Variants in GEMIN5 observed in about 807,000 individuals in gnomAD.
GEMIN5 encodes gem-associated protein 5.
Under a neutral mutation model 176.9 loss-of-function variants are expected in GEMIN5, and 124 were observed. That is an observed-to-expected ratio of 0.70 (90% CI 0.61 to 0.81). GEMIN5 has a LOEUF of 0.81. Ranked by LOEUF, GEMIN5 falls within the 40% of genes least tolerant of loss-of-function variation. The pLI is 0.00. For missense variants in GEMIN5, 1,843 were observed against 1,814.6 expected (o/e 1.02, Z -0.28); for synonymous variants, 673 against 665.2 (o/e 1.01, Z -0.18).
intron 9 of GEMIN5, 43 bp downstream of exon 9, chr5:154,924,426 G>T: frequency 1.6e-6 from 2 of 1,282,192 alleles, no homozygotes; most frequent in Non-Finnish European, 2.3e-6. Context: ...CCAACCTTTT[G>T]GCTCCCCGGG....
intron 3 of GEMIN5, 116 bp from the exon 4 acceptor site, chr5:154,932,366 G>T: frequency 1.4e-6 from 1 of 714,366 alleles, no homozygotes; most frequent in Non-Finnish European, 2.4e-6. Context: ...GTGCATTTGG[G>T]GTGGCGGAGG....
Position 154,891,619 on chromosome 5 carries a change from G to C in GEMIN5, c.3884C>G (p.Pro1295Arg). The C allele has an allele frequency of 1.2e-6, 2 of 1,614,128 alleles. No individual in the cohort carries two copies. The highest frequency in any genetic ancestry group is 8.5e-7 in the Non-Finnish European group (1 of 1,180,026). Reference sequence around the variant, plus strand: ...TACCCAGACACTGGAATTTGGGCAAGGTCTGGAGAGAGACCACCAGAATTC... The same window carrying C: ...TACCCAGACACTGGAATTTGGGCAACGTCTGGAGAGAGACCACCAGAATTC... ...LYEFWWSLSR[P>R]CPNSSVWVRA... The change falls in exon 26 of 28, where the codon CCT becomes CGT. Residue 1295 changes from proline to arginine, a missense_variant. By Grantham distance (103) the Pro-to-Arg change is moderately radical. Transcript: ENST00000285873.
intron 12 of GEMIN5, 70 bp downstream of exon 12, chr5:154,917,861 G>A (rs1763843816): frequency 3.1e-6 from 3 of 966,512 alleles, no homozygotes; most frequent in East Asian, 4.8e-5. Flanking sequence ...ATTACAGATG[G>A]CATTAGTCAG....
At chr5:154,927,572 A>T in intron 6 of GEMIN5, 22 bp from the exon 7 acceptor site, 1 of 1,551,654 alleles carries the variant, frequency 6.4e-7, no homozygotes, top group Non-Finnish European at 8.8e-7. Flanking sequence ...AAACATAAGC[A>T]TTAGTTCTTT....
At chr5:154,926,547 C>G (rs1764041196) in intron 7 of GEMIN5, among the ~76,000 whole-genome samples, 1 of 152,184 alleles carries the variant, frequency 6.6e-6, no homozygotes, top group Non-Finnish European at 1.5e-5. Flanking sequence ...AAAATGAAGT[C>G]TACCAAATAA....
chr5:154,926,097 C>A, intron 7 of GEMIN5, 23 bp from the exon 8 acceptor site: 1 of 1,469,234 alleles, frequency 6.8e-7, no homozygotes, highest in Non-Finnish European at 9.5e-7. Flanking sequence ...ACGGTAAGGG[C>A]CTAAACATAA....
chr5:154,913,268 C>T lies in GEMIN5; in HGVS notation c.1856-230G>A, dbSNP rs185253647. ...GCAACCTCCGCCTCCTGGGTTCAAG[C>T]GATTCTCCTGCCTCAGCCTCCCAAG... On this transcript the variant is annotated intron_variant, in intron 13 of 27. Transcript: ENST00000285873. Among the ~76,000 whole-genome samples the T allele has an allele frequency of 5.4e-4, 82 of 152,164 alleles. 3 individuals are homozygous for T. The East Asian group carries it at 0.015, about 27-fold the overall frequency.
At chr5:154,911,698 A>G in intron 15 of GEMIN5, 29 bp downstream of exon 15, 5 of 1,579,468 alleles carry the variant, frequency 3.2e-6, no homozygotes, top group Non-Finnish European at 3.5e-6. Flanking sequence ...GGAGAAAAAG[A>G]ATTAGATAAG....
intron 5 of GEMIN5, 33 bp downstream of exon 5, chr5:154,931,425 T>A: frequency 6.3e-7 from 1 of 1,585,092 alleles, no homozygotes; most frequent in Non-Finnish European, 8.6e-7. Flanking sequence ...CAGATCAACA[T>A]AGGTTACATC....
Position 154,887,998 on chromosome 5 carries a change from C to T in GEMIN5, c.*212G>A. 3.7e-6 allele frequency: 2 copies of T among 537,144 alleles called. No individual in the cohort carries two copies. The highest frequency in any genetic ancestry group is 6.6e-6 in the Non-Finnish European group (2 of 301,494). 33.3% of individuals were successfully genotyped at this position (537,144 alleles called of 1,614,324 possible). A position where few individuals can be genotyped will look rare whatever the true frequency, so the allele number is the denominator to read the frequency against. ...CTACTGTGGGCTTTTCATGATCTTC[C>T]CTCCAGTAGGAGACCACAATTGAGT... On this transcript the variant is annotated 3_prime_UTR_variant, in exon 28 of 28. Coordinates refer to ENST00000285873, the MANE Select transcript of GEMIN5 (RefSeq NM_015465.5).
chr5:154,937,297 T>C, intron 1 of GEMIN5, 112 bp from the exon 2 acceptor site: 2 of 863,398 alleles, frequency 2.3e-6, no homozygotes, highest in Non-Finnish European at 3.6e-6. Context: ...ACTTAACCCA[T>C]GGTATAACTG....
In GEMIN5 at chr5:154,931,743, A is replaced by C. The variant is rs914735967; in HGVS notation, c.662-166T>G. The C allele has an allele frequency of 4.6e-5, 27 of 587,130 alleles. No homozygotes were observed. In the Admixed American group the frequency reaches 8.7e-4, roughly 19 times the overall value. 36.4% of individuals were successfully genotyped at this position (587,130 alleles called of 1,614,324 possible). A position where few individuals can be genotyped will look rare whatever the true frequency, so the allele number is the denominator to read the frequency against. The stretch of plus-strand genomic sequence containing the variant: ...AAAATGATATAATTCGGCCTGGTGC[A>C]GTGGCTCACGCCTGTAATCCCAGCA... On this transcript the variant is annotated intron_variant, in intron 4 of 27. Coordinates refer to ENST00000285873, the MANE Select transcript of GEMIN5 (RefSeq NM_015465.5).
intron 13 of GEMIN5, among the ~76,000 whole-genome samples, chr5:154,913,628 G>A (rs905805288): frequency 2.6e-5 from 4 of 151,904 alleles, no homozygotes; most frequent in African/African-American, 4.8e-5. Context: ...GTTCAAGACC[G>A]GCCTGTGGAA....
At chr5:154,914,836 T>C (rs1249378656) in intron 13 of GEMIN5, among the ~76,000 whole-genome samples, 2 of 152,188 alleles carry the variant, frequency 1.3e-5, no homozygotes, top group South Asian at 2.1e-4. Flanking sequence ...AACAAACTGA[T>C]AATTGGTAGG....
rs941097691 is a variant in GEMIN5 at position 154,937,113 on chromosome 5, T to C, written c.239A>G (p.Asn80Ser). Residue 80 changes from asparagine (N) to serine (S), a missense_variant, in exon 2 of 28, where the codon AAC becomes AGC. By Grantham distance (46) the Asn-to-Ser change is conservative (BLOSUM62 1). Coordinates refer to ENST00000285873, the MANE Select transcript of GEMIN5 (RefSeq NM_015465.5). ...ATCGTCGGAGCTGGTGGCACAGAGG[T>C]TGTACTGACCAGGGTGATGAGAAAA... The part of the protein sequence containing the change: ...FTFSHHPGQY[N>S]LCATSSDDGT... The C allele has an allele frequency of 1.9e-6, 3 of 1,613,902 alleles. No individual in the cohort carries two copies. Among genetic ancestry groups the C allele is most frequent in the Non-Finnish European group, 2.5e-6 (3 of 1,179,810 alleles).
intron 16 of GEMIN5, among the ~76,000 whole-genome samples, chr5:154,907,107 CCATT>C (rs1322465937): frequency 6.6e-6 from 1 of 152,150 alleles, no homozygotes; most frequent in Non-Finnish European, 1.5e-5. Flanking sequence ...AACCTAATAA[CCATT>C]CACACATTTT....
At chr5:154,891,055 CTTTTT>C (rs548747613) in intron 26 of GEMIN5, among the ~76,000 whole-genome samples, 181 bp downstream of exon 26, 1 of 93,938 alleles carries the variant, frequency 1.1e-5, no homozygotes, top group African/African-American at 4.4e-5. Flanking sequence ...TGTGCCCGGG[CTTTTT>C]TTTTTTTTTT....
intron 24 of GEMIN5, 178 bp from the exon 25 acceptor site, chr5:154,892,727 T>C: frequency 1.7e-6 from 1 of 595,350 alleles, no homozygotes; most frequent in Non-Finnish European, 3.0e-6. Context: ...TCATGTCTAG[T>C]TGCACAGCAG....
intron 12 of GEMIN5, 132 bp downstream of exon 12, chr5:154,917,799 G>C (rs1172214976): frequency 5.9e-6 from 4 of 672,890 alleles, no homozygotes; most frequent in African/African-American, 5.4e-5. Context: ...ATCAGCGGAG[G>C]ATATCAAGAA....
Sources: allele counts gnomAD v4.1 joint callset (sites outside exome capture counted in the v4.1 genomes callset), GRCh38; gene constraint gnomAD v4.1.1; transcripts MANE v1.5; gene names NCBI Gene and HGNC (gene_info 2026-07-23, HGNC 2026-07-21).